The following MCTP2 variants were observed in gnomAD, a reference collection of about 807,000 sequenced individuals.
MCTP2 encodes multiple C2 and transmembrane domain containing 2, also known as multiple C2 and transmembrane domain-containing protein 2.
A neutral mutation model predicts 111.6 loss-of-function variants in MCTP2; 132 were observed. The observed-to-expected ratio is 1.18, with a 90% CI of 1.03 to 1.37. The LOEUF (loss-of-function observed/expected upper bound fraction) is 1.37, where lower values mean the gene tolerates loss of function less well. Ranked by LOEUF, MCTP2 falls within the 40% of genes most tolerant of loss-of-function variation. The probability of loss-of-function intolerance (pLI) is 0.00; values close to 1 mark genes in which losing one functional copy is unlikely to be tolerated. For synonymous variants in MCTP2, 395 were observed against 387.7 expected, an observed-to-expected ratio of 1.02 and a Z score of -0.22; for missense variants, 1,183 against 1,067.9, an observed-to-expected ratio of 1.11 and a Z score of -1.50.
chr15:94,470,846 T>C (rs2073865346), intron 21 of MCTP2, among the ~76,000 whole-genome samples: 1 of 152,134 alleles, frequency 6.6e-6, no homozygotes, highest in African/African-American at 2.4e-5. Context: ...CCAGGTTGCT[T>C]CTGACACTTC....
chr15:94,469,203 A>G (rs1201877900), intron 20 of MCTP2, among the ~76,000 whole-genome samples: 1 of 152,202 alleles, frequency 6.6e-6, no homozygotes, highest in Non-Finnish European at 1.5e-5. Context: ...CAAGGCAATG[A>G]GGCTCTACGG....
intron 17 of MCTP2, among the ~76,000 whole-genome samples, chr15:94,413,179 C>G (rs574891490): frequency 1.3e-5 from 2 of 152,020 alleles, no homozygotes; most frequent in Non-Finnish European, 2.9e-5. Flanking sequence ...TGATAAAATC[C>G]TAAGGTAAAT....
At chr15:94,433,148 T>C (rs559184189) in intron 17 of MCTP2, among the ~76,000 whole-genome samples, 1 of 152,188 alleles carries the variant, frequency 6.6e-6, no homozygotes, top group Admixed American at 6.5e-5. Flanking sequence ...ACAGCTAGCT[T>C]GGAACCATGG....
chr15:94,344,223 A>G (rs1022929999), intron 7 of MCTP2, among the ~76,000 whole-genome samples: 3 of 152,232 alleles, frequency 2.0e-5, no homozygotes, highest in African/African-American at 7.2e-5. Flanking sequence ...TTGCTGGTCA[A>G]TGCAATGTAA....
At chr15:94,271,694 G>T (rs1277502146) in intron 1 of MCTP2, among the ~76,000 whole-genome samples, 1 of 152,094 alleles carries the variant, frequency 6.6e-6, no homozygotes, top group Non-Finnish European at 1.5e-5. Context: ...TTTCTTTCTT[G>T]CTCTTTGGTA....
chr15:94,335,371 T>A (rs1347065784), intron 4 of MCTP2, among the ~76,000 whole-genome samples: 2 of 152,222 alleles, frequency 1.3e-5, no homozygotes, highest in Non-Finnish European at 2.9e-5. Context: ...CTAAACAGGA[T>A]GTTAACCTAC....
At chr15:94,313,368 C>T (rs2076233925) in intron 2 of MCTP2, among the ~76,000 whole-genome samples, 1 of 152,112 alleles carries the variant, frequency 6.6e-6, no homozygotes, top group Admixed American at 6.5e-5. Flanking sequence ...TGTCATTGCC[C>T]TGTGGACTCA....
At chr15:94,467,774 T>C (rs58375173) in intron 20 of MCTP2, among the ~76,000 whole-genome samples, 3,933 of 152,138 alleles carry the variant, frequency 0.026, 180 homozygotes, top group African/African-American at 0.088. Flanking sequence ...CGTTGTGGAG[T>C]TCAGATGATA....
chr15:94,465,713 A>C (rs2073219605), intron 20 of MCTP2, among the ~76,000 whole-genome samples: 1 of 152,028 alleles, frequency 6.6e-6, no homozygotes, highest in Non-Finnish European at 1.5e-5. Context: ...TTACGATTGC[A>C]TTTAGATTTA....
chr15:94,262,896 C>G (rs552483018), intron 1 of MCTP2, among the ~76,000 whole-genome samples: 1 of 152,282 alleles, frequency 6.6e-6, no homozygotes, highest in South Asian at 2.1e-4. Context: ...GTCTCGAACT[C>G]CTGGCCTCCT....
At chr15:94,311,495 G>C (rs532794529) in intron 2 of MCTP2, among the ~76,000 whole-genome samples, 7 of 152,244 alleles carry the variant, frequency 4.6e-5, no homozygotes, top group African/African-American at 1.7e-4. Flanking sequence ...AATACCACAG[G>C]CACTATGCAA....
chr15:94,476,591 AGAT>A (rs2074371246), intron 21 of MCTP2, 102 bp from the exon 22 acceptor site: 2 of 719,664 alleles, frequency 2.8e-6, no homozygotes, highest in Non-Finnish European at 4.7e-6. Flanking sequence ...CTAGATAGAT[AGAT>A]GATTGACTGA....
At chr15:94,364,655 C>G (rs2079096929) in intron 10 of MCTP2, among the ~76,000 whole-genome samples, 1 of 152,042 alleles carries the variant, frequency 6.6e-6, no homozygotes, top group African/African-American at 2.4e-5. Flanking sequence ...TGATATTTCT[C>G]TTTTGGGAGG....
At chr15:94,325,144 G>A (rs1338117880) in intron 4 of MCTP2, among the ~76,000 whole-genome samples, 1 of 152,128 alleles carries the variant, frequency 6.6e-6, no homozygotes, top group African/African-American at 2.4e-5. Context: ...AGGGTTATGC[G>A]TGGGCTTTGG....
chr15:94,366,562 G>T (rs1390324412), intron 10 of MCTP2, among the ~76,000 whole-genome samples: 1 of 152,108 alleles, frequency 6.6e-6, no homozygotes, highest in Non-Finnish European at 1.5e-5. Flanking sequence ...TAACCTATTT[G>T]TAATTAACTG....
intron 13 of MCTP2, 43 bp downstream of exon 13, chr15:94,384,167 A>T (rs1266144721): frequency 2.9e-6 from 4 of 1,384,488 alleles, no homozygotes; most frequent in Non-Finnish European, 4.1e-6. Flanking sequence ...TGTGCTTGGA[A>T]GGTAGTCTGG....
At chr15:94,357,666 G>T (rs1567516639) in intron 9 of MCTP2, among the ~76,000 whole-genome samples, 1 of 152,082 alleles carries the variant, frequency 6.6e-6, no homozygotes, top group Non-Finnish European at 1.5e-5. Context: ...TACAGCCGAG[G>T]TCTGAGTTCT....
intron 12 of MCTP2, among the ~76,000 whole-genome samples, chr15:94,374,208 T>A (rs1330557142): frequency 6.6e-6 from 1 of 152,202 alleles, no homozygotes; most frequent in East Asian, 1.9e-4. Context: ...GTTAATCTCA[T>A]AAACTGTAAA....
At chr15:94,453,627 T>C (rs1282467497) in intron 19 of MCTP2, among the ~76,000 whole-genome samples, 2 of 152,258 alleles carry the variant, frequency 1.3e-5, no homozygotes, top group African/African-American at 4.8e-5. Context: ...ATTTTACTCA[T>C]TGTAGTGAGT....
Sources: gnomAD v4.1 joint callset for allele counts (sites outside exome capture counted in the v4.1 genomes callset) on GRCh38, gnomAD v4.1.1 for gene constraint, MANE v1.5 for transcripts, NCBI Gene and HGNC (gene_info 2026-07-23, HGNC 2026-07-21) for gene names.